SFSWAP: variants seen among roughly 807,000 people sequenced by gnomAD.
SFSWAP encodes splicing factor, suppressor of white-apricot homolog.
A neutral mutation model predicts 100.7 loss-of-function variants in SFSWAP; 17 were observed. The ratio of observed to expected loss-of-function variants is 0.17; its 90% CI spans 0.12 to 0.25. The LOEUF (loss-of-function observed/expected upper bound fraction) is 0.25, where lower values mean the gene tolerates loss of function less well. Ranked by LOEUF, SFSWAP falls within the 10% of genes least tolerant of loss-of-function variation. The pLI, the probability that SFSWAP is intolerant of heterozygous loss-of-function variation, is 1.00. For missense variants in SFSWAP, 1,005 were observed against 1,262.6 expected, an observed-to-expected ratio of 0.80 and a Z score of 3.09; for synonymous variants, 504 against 510.1, an observed-to-expected ratio of 0.99 and a Z score of 0.16.
At chr12:131,780,538 C>A (rs1431190004) in intron 14 of SFSWAP, among the ~76,000 whole-genome samples, 1 of 152,092 alleles carries the variant, frequency 6.6e-6, no homozygotes, top group Non-Finnish European at 1.5e-5. Context: ...GCTTTGAACT[C>A]CTGAGCTCAA....
rs1245756800 is a variant in SFSWAP, at chr12:131,733,816, C to T, written c.1081+5388C>T. ...GTTCAGGCTTGTCTTCCTGCCGCAG[C>T]GCAGCAGCCCTCCCATGCCTGGGTC... On this transcript the variant is annotated intron_variant, in intron 7 of 17. Transcript: ENST00000261674. This position sits in a 1 kb window ranked among gnomAD's most constrained non-coding sequence, Gnocchi z 5.1. 1.3e-5 allele frequency among the ~76,000 whole-genome samples: 2 copies of T among 152,054 alleles called. No individual in the cohort carries two copies. Among genetic ancestry groups the T allele is most frequent in the African/African-American group, 2.4e-5 (1 of 41,402 alleles).
intron 13 of SFSWAP, among the ~76,000 whole-genome samples, chr12:131,769,776 G>A (rs1021034166): frequency 2.6e-5 from 4 of 151,988 alleles, no homozygotes; most frequent in South Asian, 4.1e-4. Context: ...ACAGGCACCC[G>A]CCACCACGCC....
At chr12:131,712,733 C>G (rs569677095) in intron 1 of SFSWAP, 68 of 152,348 alleles carry the variant, frequency 4.5e-4, no homozygotes, top group African/African-American at 1.5e-3. Context: ...TGTGCTCAAG[C>G]GTGCTGTGCC....
At chr12:131,787,679 GA>G (rs1315982587) in intron 15 of SFSWAP, among the ~76,000 whole-genome samples, 2 of 152,014 alleles carry the variant, frequency 1.3e-5, no homozygotes, top group African/African-American at 4.8e-5. Context: ...ACATTGCCAG[GA>G]TCACCCACAC....
chr12:131,764,009 C>T (rs1882896343), intron 11 of SFSWAP, among the ~76,000 whole-genome samples: 2 of 152,040 alleles, frequency 1.3e-5, no homozygotes, highest in Non-Finnish European at 2.9e-5. Flanking sequence ...GCCTGTACTC[C>T]CAGCTACTCA....
At chr12:131,775,168 G>C (rs2136250506) in intron 13 of SFSWAP, among the ~76,000 whole-genome samples, 1 of 152,210 alleles carries the variant, frequency 6.6e-6, no homozygotes, top group East Asian at 1.9e-4. Flanking sequence ...TTGTGAGCGT[G>C]GAGAGAGTAA....
At chr12:131,723,715 T>G (rs1205154383) in intron 4 of SFSWAP, among the ~76,000 whole-genome samples, 1 of 152,168 alleles carries the variant, frequency 6.6e-6, no homozygotes, top group African/African-American at 2.4e-5. Flanking sequence ...TAGGAAACCG[T>G]GCATTTGTGT....
intron 3 of SFSWAP, among the ~76,000 whole-genome samples, chr12:131,716,575 C>T (rs1487762745): frequency 2.0e-5 from 3 of 152,166 alleles, no homozygotes; most frequent in African/African-American, 7.2e-5. Context: ...ATACAGTCAG[C>T]TTATTGGGTC....
intron 4 of SFSWAP, among the ~76,000 whole-genome samples, chr12:131,720,741 A>G (rs899776624): frequency 1.3e-5 from 2 of 152,212 alleles, no homozygotes; most frequent in South Asian, 4.1e-4. Flanking sequence ...CAATATAAAA[A>G]TAGCCCTTTT....
In SFSWAP at chr12:131,725,758, A is replaced by T; in HGVS notation, c.832+128A>T. On this transcript the variant is annotated intron_variant, in intron 5 of 17. Coordinates refer to ENST00000261674, the MANE Select transcript of SFSWAP (RefSeq NM_004592.4). This position sits in a 1 kb window ranked among gnomAD's most constrained non-coding sequence, Gnocchi z 4.3. ...ATGCATGGTTGAAAGCCAGACTCGA[A>T]TTTCTAGAATGTGTCTGAAATCCTG... 4.3e-6 allele frequency: 3 copies of T among 689,730 alleles called. No individual in the cohort carries two copies. Among genetic ancestry groups the T allele is most frequent in the Non-Finnish European group, 7.6e-6 (3 of 394,766 alleles). The allele number at this position is 689,730 out of a possible 1,614,324, so 42.7% of individuals were successfully genotyped here. A position where few individuals can be genotyped will look rare whatever the true frequency, so the allele number is the denominator to read the frequency against.
chr12:131,746,753 T>G (rs1166878776), intron 7 of SFSWAP, among the ~76,000 whole-genome samples: 1 of 152,214 alleles, frequency 6.6e-6, no homozygotes, highest in Non-Finnish European at 1.5e-5. Context: ...GGGTATGACT[T>G]TCCCTAAGAA....
intron 7 of SFSWAP, among the ~76,000 whole-genome samples, chr12:131,745,496 G>C (rs1881021160): frequency 6.6e-6 from 1 of 152,160 alleles, no homozygotes; most frequent in Admixed American, 6.5e-5. Flanking sequence ...GGTGTATTAG[G>C]CACTTTCCTC....
chr12:131,736,481 G>A (rs1272351623), intron 7 of SFSWAP, among the ~76,000 whole-genome samples: 1 of 152,158 alleles, frequency 6.6e-6, no homozygotes, highest in African/African-American at 2.4e-5. Context: ...TAGTCTAGTA[G>A]AAAAAAGATC....
intron 14 of SFSWAP, among the ~76,000 whole-genome samples, chr12:131,779,614 C>CT (rs36066601): frequency 0.14 from 20,671 of 152,102 alleles, 2,025 homozygotes; most frequent in East Asian, 0.52. Flanking sequence ...GCCGCACTGA[C>CT]TGTGCTCATC....
At chr12:131,743,387 C>T (rs993412433) in intron 7 of SFSWAP, among the ~76,000 whole-genome samples, 3 of 152,176 alleles carry the variant, frequency 2.0e-5, no homozygotes, top group Middle Eastern at 3.2e-3. Flanking sequence ...TAAATACAAC[C>T]GTCCATATGA....
chr12:131,754,575 G>A (rs1881974927), intron 9 of SFSWAP, 76 bp downstream of exon 9: 2 of 1,011,554 alleles, frequency 2.0e-6, no homozygotes, highest in Non-Finnish European at 2.6e-6. Context: ...AAAAATGTAG[G>A]TACAGAATTA....
rs547654216 is a variant in SFSWAP, at chr12:131,780,414, G to A, written c.2408+2084G>A. Among the ~76,000 whole-genome samples the A allele has an allele frequency of 5.9e-5, 9 of 152,342 alleles. No homozygotes were observed. In the South Asian group the frequency reaches 1.9e-3, roughly 32 times the overall value. On this transcript the variant is annotated intron_variant, in intron 14 of 17. Transcript: ENST00000261674. ...ACCTGAAATTCCAGTGCTTTGGGAAGCCAAGATGAGAGGATCACTTTGAGG... is the reference window on the plus strand; with the variant it reads ...ACCTGAAATTCCAGTGCTTTGGGAAACCAAGATGAGAGGATCACTTTGAGG...
chr12:131,711,101 C>A lies in SFSWAP; in HGVS notation c.-129C>A. 5.4e-6 allele frequency: 4 copies of A among 735,290 alleles called. No individual in the cohort carries two copies. The highest frequency in any genetic ancestry group is 8.6e-6 in the Non-Finnish European group (4 of 464,184). 45.5% of individuals were successfully genotyped at this position (735,290 alleles called of 1,614,324 possible). ...GCTGCCCCTCCACCATTTTGTGGCCCGCTATGGCGGCGGTGTTGAGGTTGG... is the reference window on the plus strand; with the variant it reads ...GCTGCCCCTCCACCATTTTGTGGCCAGCTATGGCGGCGGTGTTGAGGTTGG... On this transcript the variant is annotated 5_prime_UTR_variant, in exon 1 of 18. Transcript: ENST00000261674. This position sits in a 1 kb window ranked among gnomAD's most constrained non-coding sequence, Gnocchi z 4.9.
chr12:131,764,525 G>T lies in SFSWAP; in HGVS notation c.1790G>T (p.Arg597Leu). 6.2e-7 allele frequency: 1 copy of T among 1,614,138 alleles called. No homozygotes were observed. Among genetic ancestry groups the T allele is most frequent in the Non-Finnish European group, 8.5e-7 (1 of 1,180,020 alleles). ...ENDLLPLEKN[R>L]VKLDDDSDDD... ...GATCTGCTTCCCCTGGAAAAAAATC[G>T]TGTTAAGCTAGATGATGACAGTGAT... Residue 597 changes from arginine (R) to leucine (L), a missense_variant, in exon 12 of 18, where the codon CGT (arginine) becomes CTT (leucine). By Grantham distance (102) the Arg-to-Leu change is moderately radical. Around this residue, in one of 7 missense-constraint regions of SFSWAP, gnomAD observed 82 missense variants for 131.0 expected, o/e 0.63. Coordinates refer to ENST00000261674, the MANE Select transcript of SFSWAP (RefSeq NM_004592.4).
Sources: gnomAD v4.1 joint callset for allele counts (sites outside exome capture counted in the v4.1 genomes callset) on GRCh38, gnomAD v4.1.1 for gene constraint, gnomAD v4.1.1 regional missense constraint, Gnocchi (gnomAD v3.1) non-coding constraint, MANE v1.5 for transcripts, NCBI Gene and HGNC (gene_info 2026-07-23, HGNC 2026-07-21) for gene names.